LMOD1: variants seen among roughly 807,000 people sequenced by gnomAD.
LMOD1 encodes leiomodin-1.
Under a neutral mutation model 36.5 loss-of-function variants are expected in LMOD1, and 8 were observed. That is an observed-to-expected ratio of 0.22 (90% CI 0.13 to 0.40). LMOD1 has a LOEUF of 0.40. LMOD1 is among the 10% of genes least tolerant of loss of function. The probability of loss-of-function intolerance (pLI) is 1.00; values close to 1 mark genes in which losing one functional copy is unlikely to be tolerated. For missense variants in LMOD1, 630 were observed against 751.1 expected, an observed-to-expected ratio of 0.84 and a Z score of 1.88; for synonymous variants, 284 against 288.7, an observed-to-expected ratio of 0.98 and a Z score of 0.17.
intron 1 of LMOD1, among the ~76,000 whole-genome samples, chr1:201,920,767 G>C (rs1311116838): frequency 6.6e-6 from 1 of 151,550 alleles, no homozygotes; most frequent in Non-Finnish European, 1.5e-5. Flanking sequence ...GGTGGCTCAC[G>C]CCTGTAATCT....
At chr1:201,920,765 A>G (rs2102919937) in intron 1 of LMOD1, among the ~76,000 whole-genome samples, 2 of 152,312 alleles carry the variant, frequency 1.3e-5, no homozygotes, top group East Asian at 1.9e-4. Flanking sequence ...GCGGTGGCTC[A>G]CGCCTGTAAT....
At chr1:201,936,850 G>A (rs991177934) in intron 1 of LMOD1, among the ~76,000 whole-genome samples, 1 of 152,150 alleles carries the variant, frequency 6.6e-6, no homozygotes, top group Non-Finnish European at 1.5e-5. Flanking sequence ...TGAGGCAGGA[G>A]AATTGCTTGA....
chr1:201,903,785 T>G (rs564281707), intron 1 of LMOD1, among the ~76,000 whole-genome samples: 1 of 152,278 alleles, frequency 6.6e-6, no homozygotes, highest in East Asian at 1.9e-4. Context: ...TCTTCCTTCC[T>G]TTCCCAAAAT....
Position 201,946,514 on chromosome 1 carries a change from C to T in LMOD1, c.-174G>A. On this transcript the variant is annotated 5_prime_UTR_variant, in exon 1 of 3. Transcript: ENST00000367288. ...TACAGGTGCTGAAGTGTTCACTGGACGCAGCAGCCTCCCTGAAGCCCAGGG... is the reference window on the plus strand; with the variant it reads ...TACAGGTGCTGAAGTGTTCACTGGATGCAGCAGCCTCCCTGAAGCCCAGGG... The T allele has an allele frequency of 1.5e-6, 1 of 674,172 alleles. No individual in the cohort carries two copies. The highest frequency in any genetic ancestry group is 2.7e-5 in the East Asian group (1 of 36,450). 41.8% of individuals were successfully genotyped at this position (674,172 alleles called of 1,614,324 possible).
At chr1:201,930,247 G>C (rs1681895169) in intron 1 of LMOD1, among the ~76,000 whole-genome samples, 1 of 152,188 alleles carries the variant, frequency 6.6e-6, no homozygotes, top group East Asian at 1.9e-4. Flanking sequence ...ACACAGGGAA[G>C]GTCAACTGTG....
intron 1 of LMOD1, among the ~76,000 whole-genome samples, chr1:201,940,170 A>T (rs182593477): frequency 2.8e-5 from 4 of 140,414 alleles, no homozygotes; most frequent in Non-Finnish European, 6.1e-5. Context: ...TGCATTTTCC[A>T]TCCAGCCAAG....
chr1:201,921,734 G>A (rs1258349712), intron 1 of LMOD1, among the ~76,000 whole-genome samples: 1 of 151,932 alleles, frequency 6.6e-6, no homozygotes, highest in Non-Finnish European at 1.5e-5. Context: ...GCTGAGGCGG[G>A]CGGATCACGA....
intron 1 of LMOD1, among the ~76,000 whole-genome samples, chr1:201,915,896 T>C (rs1052270036): frequency 6.6e-6 from 1 of 151,916 alleles, no homozygotes; most frequent in African/African-American, 2.4e-5. Context: ...GCCAGACCCA[T>C]CCGAAGCCTT....
chr1:201,923,762 G>T (rs942188924), intron 1 of LMOD1, among the ~76,000 whole-genome samples: 1 of 152,034 alleles, frequency 6.6e-6, no homozygotes, highest in Admixed American at 6.6e-5. Flanking sequence ...TTACTCAGGA[G>T]GCTGAAGTGG....
chr1:201,922,781 G>A (rs891823359), intron 1 of LMOD1, among the ~76,000 whole-genome samples: 1 of 150,930 alleles, frequency 6.6e-6, no homozygotes, highest in Non-Finnish European at 1.5e-5. Context: ...CGAATATACT[G>A]AATACTGCTT....
rs1160122778 is a variant in LMOD1, at chr1:201,896,858, C to T, written c.*1514G>A. Reference sequence around the variant, plus strand: ...AGACTGCCCTCTGGTTTTGGTCAGACCTAGCACAGCGATCTTGCTTCCTAG... The same window carrying T: ...AGACTGCCCTCTGGTTTTGGTCAGATCTAGCACAGCGATCTTGCTTCCTAG... On this transcript the variant is annotated 3_prime_UTR_variant, in exon 3 of 3. Coordinates refer to ENST00000367288, the MANE Select transcript of LMOD1 (RefSeq NM_012134.3). 2.7e-6 allele frequency: 1 copy of T among 372,486 alleles called. No homozygotes were observed. The highest frequency in any genetic ancestry group is 5.4e-6 in the Non-Finnish European group (1 of 185,524). 23.1% of individuals were successfully genotyped at this position (372,486 alleles called of 1,614,324 possible). A position where few individuals can be genotyped will look rare whatever the true frequency, so the allele number is the denominator to read the frequency against.
intron 1 of LMOD1, among the ~76,000 whole-genome samples, chr1:201,939,336 T>C (rs1220412561): frequency 1.3e-5 from 2 of 152,208 alleles, no homozygotes; most frequent in Non-Finnish European, 1.5e-5. Context: ...GGTGAAGTAA[T>C]TGGGCCTCAA....
Position 201,900,128 on chromosome 1 carries a change from C to T in LMOD1, c.885G>A (p.Thr295=), listed in dbSNP as rs745604964. 1.9e-5 allele frequency: 31 copies of T among 1,613,756 alleles called. No homozygotes were observed. The highest frequency in any genetic ancestry group is 2.4e-5 in the Non-Finnish European group (28 of 1,179,860). The change falls in exon 2 of 3, where the codon ACG becomes ACA. Residue 295 remains threonine (T), a synonymous_variant. Transcript: ENST00000367288. The stretch of plus-strand genomic sequence containing the variant: ...CAGAGGGCTTGGTGGGGCCACTGGG[C>T]GTCTGTTTCTCGGGTGTTTTGGTCT... ...DSKTKTPEKQ[T]PSGPTKPSEG... is the part of the protein sequence containing the mutation.
chr1:201,921,901 A>G (rs1385026859), intron 1 of LMOD1, among the ~76,000 whole-genome samples: 3 of 152,004 alleles, frequency 2.0e-5, no homozygotes. Context: ...CAGAGCTTGC[A>G]GTGAGCTGAG....
chr1:201,935,494 C>T (rs539195713), intron 1 of LMOD1, among the ~76,000 whole-genome samples: 6 of 152,120 alleles, frequency 3.9e-5, no homozygotes, highest in East Asian at 1.9e-4. Flanking sequence ...CAAATTTGGC[C>T]GGTCATGGTA....
At chr1:201,944,821 C>T (rs949003773) in intron 1 of LMOD1, among the ~76,000 whole-genome samples, 1 of 152,062 alleles carries the variant, frequency 6.6e-6, no homozygotes, top group African/African-American at 2.4e-5. Flanking sequence ...CATTGCTACA[C>T]TAAAGGAGTC....
chr1:201,941,606 G>A (rs566342922), intron 1 of LMOD1, among the ~76,000 whole-genome samples: 2 of 152,356 alleles, frequency 1.3e-5, no homozygotes, highest in Admixed American at 6.5e-5. Flanking sequence ...AGGGCATTCT[G>A]AGGGTTAGGC....
Position 201,896,475 on chromosome 1 carries a change from GC to G in LMOD1, c.*1896del. On this transcript the variant is annotated 3_prime_UTR_variant, in exon 3 of 3. Transcript: ENST00000367288. The stretch of plus-strand genomic sequence containing the variant: ...CAGACCTGAGCTCTGACTTTTATTA[GC>G]TGTGTGATCATGGATATATTAGTTA... 2.2e-6 allele frequency: 1 copy of G among 456,072 alleles called. No homozygotes were observed. Among genetic ancestry groups the G allele is most frequent in the Non-Finnish European group, 4.4e-6 (1 of 226,540 alleles). 28.3% of individuals were successfully genotyped at this position (456,072 alleles called of 1,614,324 possible). A position where few individuals can be genotyped will look rare whatever the true frequency, so the allele number is the denominator to read the frequency against.
chr1:201,921,724 G>C (rs1257484699), intron 1 of LMOD1, among the ~76,000 whole-genome samples: 1 of 151,888 alleles, frequency 6.6e-6, no homozygotes, highest in African/African-American at 2.4e-5. Flanking sequence ...ACTTTGGGAG[G>C]CTGAGGCGGG....
Sources: gnomAD v4.1 joint callset for allele counts (sites outside exome capture counted in the v4.1 genomes callset) on GRCh38, gnomAD v4.1.1 for gene constraint, MANE v1.5 for transcripts, NCBI Gene and HGNC (gene_info 2026-07-23, HGNC 2026-07-21) for gene names.